Variants in ZNF878 observed in about 807,000 individuals in gnomAD.
The protein encoded by ZNF878 is zinc finger protein 878.
ZNF878 carries 10 observed loss-of-function variants against 11.1 expected under a neutral mutation model. The ratio of observed to expected loss-of-function variants is 0.90; its 90% CI spans 0.56 to 1.53. ZNF878 has a LOEUF of 1.53. Ranked by LOEUF, ZNF878 falls within the 40% of genes most tolerant of loss-of-function variation. The pLI is 0.00. For synonymous variants in ZNF878, 165 were observed against 209.7 expected, an observed-to-expected ratio of 0.79 and a Z score of 1.84; for missense variants, 548 against 626.1, an observed-to-expected ratio of 0.88 and a Z score of 1.33.
chr19:12,046,343 GT>G, intron 3 of ZNF878, 24 bp downstream of exon 3: 1 of 1,508,704 alleles, frequency 6.6e-7, no homozygotes, highest in East Asian at 2.4e-5. Context: ...CAGAGACATT[GT>G]TTTCTCTTTT....
intron 3 of ZNF878, among the ~76,000 whole-genome samples, chr19:12,045,596 G>A (rs1450268419): frequency 2.0e-5 from 3 of 151,498 alleles, no homozygotes; most frequent in Admixed American, 1.3e-4. Context: ...ACAGTGAGCC[G>A]AGATCACACC....
chr19:12,051,140 C>T (rs1975547710), intron 1 of ZNF878, among the ~76,000 whole-genome samples: 1 of 146,800 alleles, frequency 6.8e-6, no homozygotes, highest in Non-Finnish European at 1.5e-5. Context: ...AAATTAAAAC[C>T]CCTTGCAAAG....
intron 1 of ZNF878, 75 bp downstream of exon 1, chr19:12,052,724 C>A (rs1599392604): frequency 6.5e-7 from 1 of 1,526,976 alleles, no homozygotes. Flanking sequence ...GGCCCGGGCC[C>A]CGCCACAGCG....
intron 1 of ZNF878, among the ~76,000 whole-genome samples, chr19:12,049,335 C>G (rs1216303350): frequency 6.7e-6 from 1 of 148,534 alleles, no homozygotes; most frequent in East Asian, 2.0e-4. Flanking sequence ...GTGGCAGGTG[C>G]CTGTAATCCC....
chr19:12,047,785 C>T lies in ZNF878; in HGVS notation c.4-1025G>A, dbSNP rs531727930. On this transcript the variant is annotated intron_variant, in intron 1 of 3. Transcript: ENST00000547628. ...CCAGCATGATCAATATGATGAAACC[C>T]TGTCTCTACTAATAGATAATCCCAA... Among the ~76,000 whole-genome samples the T allele has an allele frequency of 4.6e-5, 7 of 152,196 alleles. No individual in the cohort carries two copies. In the South Asian group the frequency reaches 1.5e-3, roughly 32 times the overall value.
chr19:12,047,057 T>C (rs1369349743), intron 1 of ZNF878, among the ~76,000 whole-genome samples: 2 of 152,160 alleles, frequency 1.3e-5, no homozygotes, highest in African/African-American at 4.8e-5. Flanking sequence ...GTCCGAAGTG[T>C]GGATCTGCAG....
chr19:12,048,442 C>T (rs1027560120), intron 1 of ZNF878, among the ~76,000 whole-genome samples: 4 of 150,502 alleles, frequency 2.7e-5, no homozygotes, highest in Admixed American at 6.6e-5. Flanking sequence ...GGCATGAACC[C>T]GGGAGGCGGA....
intron 1 of ZNF878, among the ~76,000 whole-genome samples, chr19:12,047,327 G>A (rs1245314430): frequency 2.0e-5 from 3 of 152,092 alleles, no homozygotes; most frequent in African/African-American, 7.2e-5. Flanking sequence ...ACTTTGGGAG[G>A]TGAAGGCGGG....
chr19:12,044,327 T>C lies in ZNF878; in HGVS notation c.1074A>G (p.Glu358=). The change falls in exon 4 of 4, where the codon GAA becomes GAG. Residue 358 remains glutamate (E), a synonymous_variant. Transcript: ENST00000547628. Reference sequence around the variant, plus strand: ...AGGGTTTCTCTCCAGTGTGTGTCCTTTCATGTATTCGAAGATCCTTGACAA... The same window carrying C: ...AGGGTTTCTCTCCAGTGTGTGTCCTCTCATGTATTCGAAGATCCTTGACAA... ...FSFVKDLRIH[E]RTHTGEKPFE... 6.2e-7 allele frequency: 1 copy of C among 1,612,626 alleles called. No homozygotes were observed. Among genetic ancestry groups the C allele is most frequent in the African/African-American group, 1.3e-5 (1 of 74,920 alleles).
At chr19:12,049,378 T>C (rs1399144703) in intron 1 of ZNF878, among the ~76,000 whole-genome samples, 1 of 127,736 alleles carries the variant, frequency 7.8e-6, no homozygotes, top group African/African-American at 3.1e-5. Context: ...GGAGAATCGC[T>C]TGGACCCAGG....
chr19:12,050,930 T>TA (rs1334981790), intron 1 of ZNF878, among the ~76,000 whole-genome samples: 1 of 150,424 alleles, frequency 6.6e-6, no homozygotes, highest in Non-Finnish European at 1.5e-5. Context: ...CCGTCTCTAC[T>TA]AAAAAATACA....
downstream of ZNF878, chr19:12,043,699 C>A: frequency 8.3e-7 from 1 of 1,207,868 alleles, no homozygotes; most frequent in Non-Finnish European, 1.1e-6. Flanking sequence ...CCTTGGCTTC[C>A]CAAAATGCTG....
chr19:12,046,642 G>A lies in ZNF878; in HGVS notation c.122C>T (p.Thr41Ile). Residue 41 changes from threonine (T) to isoleucine (I), a missense_variant, in exon 2 of 4, where the codon ACC (threonine) becomes ATC (isoleucine). Around this residue, in one of 3 missense-constraint regions of ZNF878, gnomAD observed 160 missense variants for 173.3 expected, o/e 0.92. Coordinates refer to ENST00000547628, the MANE Select transcript of ZNF878 (RefSeq NM_001080404.3). Reference sequence around the variant, plus strand: ...AATACTGTCATTCTTACCTATGGAGGTCAGGTTCCTCAAGGTTTCCTGCAT... The same window carrying A: ...AATACTGTCATTCTTACCTATGGAGATCAGGTTCCTCAAGGTTTCCTGCAT... ...EVMQETLRNL[T>I]SIGKKWNNQY... The A allele has an allele frequency of 1.9e-6, 3 of 1,613,978 alleles. No individual in the cohort carries two copies. Among genetic ancestry groups the A allele is most frequent in the Non-Finnish European group, 1.7e-6 (2 of 1,179,968 alleles).
chr19:12,044,365 T>C lies in ZNF878; in HGVS notation c.1036A>G (p.Lys346Glu). Residue 346 changes from lysine to glutamate, a missense_variant, in exon 4 of 4, where the codon AAA (lysine) becomes GAA (glutamate). Lys to Glu is a moderately conservative substitution (Grantham distance 56). Coordinates refer to ENST00000547628, the MANE Select transcript of ZNF878 (RefSeq NM_001080404.3). ...EKPYECKKCV[K>E]AFSFVKDLRI... is the part of the protein sequence containing the mutation. ...AGATCCTTGACAAAACTGAAGGCTT[T>C]CACACATTTTTTACATTCATAAGGT... 1 of 1,612,848 alleles carries C rather than the reference T, an allele frequency of 6.2e-7. No homozygotes were observed. Among genetic ancestry groups the C allele is most frequent in the African/African-American group, 1.3e-5 (1 of 75,012 alleles).
Position 12,044,073 on chromosome 19 carries a change from C to CTTTCATGCATTTTAAG in ZNF878, c.1312_1327dup (p.Arg443ThrfsTer2). On this transcript the variant is annotated stop_gained and frameshift_variant, in exon 4 of 4. Transcript: ENST00000547628. LOFTEE classifies it low-confidence loss of function (END_TRUNC). ...ATAGGGTTTCTCTCCTGTGTGAGTCCTTTCATGCATTTTAAGTTGTGAGGC... is the reference window on the plus strand; with the variant it reads ...ATAGGGTTTCTCTCCTGTGTGAGTCCTTTCATGCATTTTAAGTTTCATGCATTTTAAGTTGTGAGGC... 1.2e-6 allele frequency: 2 copies of CTTTCATGCATTTTAAG among 1,613,810 alleles called. No homozygotes were observed. Among genetic ancestry groups the CTTTCATGCATTTTAAG allele is most frequent in the Non-Finnish European group, 1.7e-6 (2 of 1,179,980 alleles).
In ZNF878 at chr19:12,044,038, G is replaced by C. The variant is rs1462368281; in HGVS notation, c.1363C>G (p.Gln455Glu). Residue 455 changes from glutamine (Q) to glutamate (E), a missense_variant, in exon 4 of 4, where the codon CAA becomes GAA. Transcript: ENST00000547628. ...GAAGAAATGAAGGCTTTTCCACATT[G>C]CTTACACTCATAGGGTTTCTCTCCT... ...HTGEKPYECK[Q>E]CGKAFISSNS... The C allele has an allele frequency of 3.7e-6, 6 of 1,613,816 alleles. No individual in the cohort carries two copies. The highest frequency in any genetic ancestry group is 5.1e-6 in the Non-Finnish European group (6 of 1,180,006).
rs757440557 is a variant in ZNF878 at position 12,044,645 on chromosome 19, C to T, written c.756G>A (p.Glu252=). The T allele has an allele frequency of 1.9e-6, 3 of 1,613,944 alleles. No homozygotes were observed. The highest frequency in any genetic ancestry group is 2.7e-5 in the African/African-American group (2 of 74,894). ...CACATTGCTTGCATTTATAGCGTTT[C>T]TCTCCAGTGTGACTTTTCTCGTGTC... ...LKRHEKSHTG[E]KRYKCKQCDK... is the part of the protein sequence containing the mutation. Residue 252 remains glutamate, a synonymous_variant, in exon 4 of 4, where the codon GAG becomes GAA. Coordinates refer to ENST00000547628, the MANE Select transcript of ZNF878 (RefSeq NM_001080404.3).
At chr19:12,049,656 G>A (rs1426027401) in intron 1 of ZNF878, among the ~76,000 whole-genome samples, 1 of 151,486 alleles carries the variant, frequency 6.6e-6, no homozygotes, top group Non-Finnish European at 1.5e-5. Context: ...TGTAATCCCA[G>A]CTACTCGGGA....
chr19:12,050,861 G>A (rs1336124872), intron 1 of ZNF878, among the ~76,000 whole-genome samples: 2 of 149,652 alleles, frequency 1.3e-5, no homozygotes, highest in African/African-American at 2.5e-5. Context: ...TTGGAAGGCC[G>A]AGGTGGGTGG....
Sources: allele counts gnomAD v4.1 joint callset (sites outside exome capture counted in the v4.1 genomes callset), GRCh38; gene constraint gnomAD v4.1.1; regional missense constraint gnomAD v4.1.1; transcripts MANE v1.5; gene names NCBI Gene and HGNC (gene_info 2026-07-23, HGNC 2026-07-21).